The following ASMTL variants were observed in gnomAD, a reference collection of about 807,000 sequenced individuals.
The protein encoded by ASMTL is acetylserotonin O-methyltransferase like.
Under a neutral mutation model 60.3 loss-of-function variants are expected in ASMTL, and 57 were observed. The observed-to-expected ratio is 0.95, with a 90% CI of 0.76 to 1.18. The LOEUF is 1.18. Among genes scored for constraint, ASMTL ranks in the 50% most tolerant of loss-of-function variants. ASMTL has a pLI of 0.00. For synonymous variants in ASMTL, 419 were observed against 373.0 expected, an observed-to-expected ratio of 1.12 and a Z score of -1.42; for missense variants, 981 against 852.6, an observed-to-expected ratio of 1.15 and a Z score of -1.88.
chrX:1,423,342 TC>T (rs1330498545), intron 8 of ASMTL, among the ~76,000 whole-genome samples: 1 of 152,074 alleles, frequency 6.6e-6, no homozygotes, highest in Admixed American at 6.6e-5. Flanking sequence ...GTCACATGTC[TC>T]TGTGGTAAGG....
In ASMTL at chrX:1,412,713, C is replaced by A; in HGVS notation, c.1645+19G>T. 6.2e-7 allele frequency: 1 copy of A among 1,613,974 alleles called. No homozygotes were observed. The highest frequency in any genetic ancestry group is 8.5e-7 in the Non-Finnish European group (1 of 1,179,856). On this transcript the variant is annotated intron_variant, in intron 12 of 12. Transcript: ENST00000381317. The stretch of plus-strand genomic sequence containing the variant: ...ACTACGTCTTAACAAAAACAGCTAA[C>A]CTGACGATGGGCTCTCACCTGGCTT...
At chrX:1,418,216 G>T in intron 10 of ASMTL, 100 bp from the exon 11 acceptor site, 1 of 1,333,032 alleles carries the variant, frequency 7.5e-7, no homozygotes, top group Non-Finnish European at 1.0e-6. Context: ...CAAGGGCATG[G>T]CATTGATTCC....
chrX:1,423,795 C>T lies in ASMTL; in HGVS notation c.1060+1730G>A, dbSNP rs1231994873. Among the ~76,000 whole-genome samples the T allele has an allele frequency of 2.7e-5, 4 of 150,100 alleles. No homozygotes were observed. In the East Asian group the frequency reaches 8.0e-4, roughly 30 times the overall value. On this transcript the variant is annotated intron_variant, in intron 8 of 12. Transcript: ENST00000381317. ...ACCCACCCATCCATCTATTCACCCA[C>T]CCTCCCAATCATCCACCCAGCCATG... is the stretch of plus-strand genomic sequence containing the variant.
chrX:1,440,990 A>T (rs2091095152), intron 2 of ASMTL, among the ~76,000 whole-genome samples: 2 of 152,274 alleles, frequency 1.3e-5, no homozygotes, highest in East Asian at 1.9e-4. Flanking sequence ...GTAACAAGCT[A>T]CATGAATCTT....
At chrX:1,439,421 AC>A (rs2091053320) in intron 2 of ASMTL, among the ~76,000 whole-genome samples, 1 of 152,110 alleles carries the variant, frequency 6.6e-6, no homozygotes, top group Non-Finnish European at 1.5e-5. Context: ...ACTACGGGAA[AC>A]GCAATGCCTG....
At chrX:1,423,940 G>C (rs1220717919) in intron 8 of ASMTL, among the ~76,000 whole-genome samples, 16 of 133,758 alleles carry the variant, frequency 1.2e-4, no homozygotes, top group African/African-American at 2.0e-4. Context: ...ACTGATCCAT[G>C]CACCCATGCA....
chrX:1,419,187 CG>C, intron 9 of ASMTL, 73 bp from the exon 10 acceptor site: 6 of 1,566,488 alleles, frequency 3.8e-6, no homozygotes, highest in Non-Finnish European at 5.2e-6. Context: ...CCCTGGGGGT[CG>C]GGGGGAGAAG....
Position 1,418,980 on chromosome X carries a change from A to G in ASMTL, c.1378+2T>C, listed in dbSNP as rs781053210. The G allele has an allele frequency of 2.5e-6, 4 of 1,611,724 alleles. No individual in the cohort carries two copies. Among genetic ancestry groups the G allele is most frequent in the Non-Finnish European group, 3.4e-6 (4 of 1,179,794 alleles). On this transcript the variant is annotated splice_donor_variant, in intron 10 of 12. Coordinates refer to ENST00000381317, the MANE Select transcript of ASMTL (RefSeq NM_004192.4). LOFTEE classifies it high-confidence loss of function. The stretch of plus-strand genomic sequence containing the variant: ...GAGAGCCCTGGCGGGGGGGCCACCC[A>G]CCTCCCACGTCGCAGGCGGAGGAGA...
intron 2 of ASMTL, 141 bp from the exon 3 acceptor site, chrX:1,439,285 G>A (rs1340974366): frequency 1.3e-6 from 1 of 775,080 alleles, no homozygotes; most frequent in Non-Finnish European, 2.1e-6. Context: ...GGTGCTCAAG[G>A]TCACGAGCAA....
At chrX:1,453,007 G>T (rs1436517008), upstream of ASMTL, 1 of 554,044 alleles carries the variant, frequency 1.8e-6, no homozygotes, top group Non-Finnish European at 3.1e-6. Context: ...TGGCCTCCCC[G>T]CGAGACCGCG....
In ASMTL at chrX:1,432,254, G is replaced by T; in HGVS notation, c.509+15C>A. 2 of 829,590 alleles carry T rather than the reference G, an allele frequency of 2.4e-6. No individual in the cohort carries two copies. The highest frequency in any genetic ancestry group is 3.9e-6 in the Non-Finnish European group (2 of 510,310). 51.4% of individuals were successfully genotyped at this position (829,590 alleles called of 1,614,324 possible). A position where few individuals can be genotyped will look rare whatever the true frequency, so the allele number is the denominator to read the frequency against. ...CACACGTGTCCCCCGTCCCCCCACCGCCCCCGAGACTCACATGGGCTCCCC... is the reference window on the plus strand; with the variant it reads ...CACACGTGTCCCCCGTCCCCCCACCTCCCCCGAGACTCACATGGGCTCCCC... On this transcript the variant is annotated intron_variant, in intron 6 of 12. Transcript: ENST00000381317.
chrX:1,438,339 C>A (rs1361287147), intron 3 of ASMTL, among the ~76,000 whole-genome samples: 1 of 151,748 alleles, frequency 6.6e-6, no homozygotes, highest in Non-Finnish European at 1.5e-5. Context: ...GAGAAGGCCA[C>A]ATGGAGATGG....
At chrX:1,444,435 C>T (rs1349484076) in intron 1 of ASMTL, among the ~76,000 whole-genome samples, 2 of 152,106 alleles carry the variant, frequency 1.3e-5, no homozygotes, top group African/African-American at 4.8e-5. Context: ...TGTCGAACTC[C>T]TGACCTCAGG....
chrX:1,443,246 T>C lies in ASMTL; in HGVS notation c.94-929A>G, dbSNP rs1423964702. On this transcript the variant is annotated intron_variant, in intron 1 of 12. Coordinates refer to ENST00000381317, the MANE Select transcript of ASMTL (RefSeq NM_004192.4). ...TCGTCGTGCACACACACCGCCGTCG[T>C]GGACACACGCCGCCGTCTTGGACAC... Among the ~76,000 whole-genome samples the C allele has an allele frequency of 1.7e-3, 50 of 28,850 alleles. 1 individual carries two copies. The highest frequency in any genetic ancestry group is 4.0e-3 in the African/African-American group (50 of 12,638). 18.9% of individuals were successfully genotyped at this position (28,850 alleles called of 152,430 possible). A position where few individuals can be genotyped will look rare whatever the true frequency, so the allele number is the denominator to read the frequency against.
At position 1,403,166 on chromosome X, in the gene ASMTL, C is replaced by T. The variant is rs1219115095; in HGVS notation, c.*103G>A. ...GGCTTTTGCTTTCTTTATTCAGTCA[C>T]GACTACACGCTCCTATGTGACTGTC... On this transcript the variant is annotated 3_prime_UTR_variant, in exon 13 of 13. Coordinates refer to ENST00000381317, the MANE Select transcript of ASMTL (RefSeq NM_004192.4). 22 of 939,384 alleles carry T rather than the reference C, an allele frequency of 2.3e-5. No individual in the cohort carries two copies. The highest frequency in any genetic ancestry group is 6.0e-5 in the Admixed American group (3 of 49,870). 58.2% of individuals were successfully genotyped at this position (939,384 alleles called of 1,614,324 possible).
rs771995352 is a variant in ASMTL, at chrX:1,442,435, G to A, written c.94-118C>T. ...TGCTACACTCCCCGACCCTGTCCCA[G>A]GTGAGCTCATCCATCCGCCAAGCTT... On this transcript the variant is annotated intron_variant, in intron 1 of 12. Coordinates refer to ENST00000381317, the MANE Select transcript of ASMTL (RefSeq NM_004192.4). 91 of 1,176,790 alleles carry A rather than the reference G, an allele frequency of 7.7e-5. 1 individual carries two copies. The South Asian group carries it at 1.3e-3, about 17-fold the overall frequency. The allele number at this position is 1,176,790 out of a possible 1,614,324, so 72.9% of individuals were successfully genotyped here. A position where few individuals can be genotyped will look rare whatever the true frequency, so the allele number is the denominator to read the frequency against.
intron 6 of ASMTL, chrX:1,431,935 T>G (rs746293533): frequency 4.7e-4 from 154 of 329,346 alleles, no homozygotes; most frequent in African/African-American, 2.9e-3. Context: ...TCGTGTTAAT[T>G]GCAGCCAGCG....
chrX:1,410,741 G>A (rs757933747), intron 12 of ASMTL, among the ~76,000 whole-genome samples: 14 of 38,860 alleles, frequency 3.6e-4, no homozygotes, highest in African/African-American at 1.0e-3. Context: ...AAATTAGCTG[G>A]GCATGGTGAT....
chrX:1,426,611 A>C (rs1386277267), intron 7 of ASMTL, among the ~76,000 whole-genome samples: 1 of 152,070 alleles, frequency 6.6e-6, no homozygotes, highest in African/African-American at 2.4e-5. Context: ...CCAGCACTTT[A>C]GGAGGCCGAG....
Sources: gnomAD v4.1 joint callset for allele counts (sites outside exome capture counted in the v4.1 genomes callset) on GRCh38, gnomAD v4.1.1 for gene constraint, MANE v1.5 for transcripts, NCBI Gene and HGNC (gene_info 2026-07-23, HGNC 2026-07-21) for gene names.